The following TMEM132D variants were observed in gnomAD, a reference collection of about 807,000 sequenced individuals.
TMEM132D encodes transmembrane protein 132D.
A neutral mutation model predicts 62.3 loss-of-function variants in TMEM132D; 21 were observed. The ratio of observed to expected loss-of-function variants is 0.34; its 90% CI spans 0.24 to 0.49. The LOEUF (loss-of-function observed/expected upper bound fraction) is 0.49. Ranked by LOEUF, TMEM132D falls within the 20% of genes least tolerant of loss-of-function variation. The probability of loss-of-function intolerance (pLI) is 0.99; values close to 1 mark genes in which losing one functional copy is unlikely to be tolerated. For synonymous variants in TMEM132D, 621 were observed against 575.6 expected (o/e 1.08, Z -1.13); for missense variants, 1,346 against 1,402.8 (o/e 0.96, Z 0.65).
intron 4 of TMEM132D, among the ~76,000 whole-genome samples, chr12:129,269,892 C>T (rs1209435786): frequency 6.6e-6 from 1 of 152,174 alleles, no homozygotes; most frequent in African/African-American, 2.4e-5. Context: ...GCTATTGCCA[C>T]TTAATGATGG....
intron 2 of TMEM132D, among the ~76,000 whole-genome samples, chr12:129,664,646 C>T (rs1040261945): frequency 7.9e-5 from 12 of 151,874 alleles, no homozygotes; most frequent in African/African-American, 2.2e-4. Flanking sequence ...AGGATGGTCT[C>T]GATCCCCTGA....
chr12:129,616,105 T>C (rs1009725948), intron 2 of TMEM132D, among the ~76,000 whole-genome samples: 1 of 152,174 alleles, frequency 6.6e-6, no homozygotes, highest in African/African-American at 2.4e-5. Context: ...TCTACTTCCT[T>C]GTTTGGTGGG....
At position 129,074,054 on chromosome 12, in the gene TMEM132D, T is replaced by G; in HGVS notation, c.3121A>C (p.Lys1041Gln). The G allele has an allele frequency of 1.9e-6, 3 of 1,613,918 alleles. No individual in the cohort carries two copies. The highest frequency in any genetic ancestry group is 2.5e-6 in the Non-Finnish European group (3 of 1,179,898). Residue 1041 changes from lysine to glutamine, a missense_variant, in exon 9 of 9, where the codon AAA (lysine) becomes CAA (glutamine). Coordinates refer to ENST00000422113, the MANE Select transcript of TMEM132D (RefSeq NM_133448.3). The stretch of plus-strand genomic sequence containing the variant: ...GTGGTAAATTTTACCCTTTTCCTTT[T>G]TGAGGTAGGGGATGTTGGGGGCTCA... Reference protein sequence around the residue: ...KSEPPTSPTSKRKRVKFTTFT... With the variant: ...KSEPPTSPTSQRKRVKFTTFT...
chr12:129,076,827 C>A (rs1263002842), intron 8 of TMEM132D, among the ~76,000 whole-genome samples: 1 of 152,202 alleles, frequency 6.6e-6, no homozygotes, highest in Non-Finnish European at 1.5e-5. Context: ...AGCCTTCTGG[C>A]CTTCTTCTAG....
At chr12:129,751,864 T>C (rs1870010340) in intron 1 of TMEM132D, among the ~76,000 whole-genome samples, 1 of 152,202 alleles carries the variant, frequency 6.6e-6, no homozygotes, top group African/African-American at 2.4e-5. Flanking sequence ...AAAGCTGATA[T>C]TAGTACAATC....
chr12:129,255,563 A>G (rs1214222647), intron 4 of TMEM132D, among the ~76,000 whole-genome samples: 1 of 152,228 alleles, frequency 6.6e-6, no homozygotes, highest in Non-Finnish European at 1.5e-5. Context: ...TAATGCAATT[A>G]TGTTCTAAAA....
intron 2 of TMEM132D, among the ~76,000 whole-genome samples, chr12:129,670,755 T>C (rs1357281469): frequency 1.3e-5 from 2 of 152,126 alleles, no homozygotes; most frequent in African/African-American, 4.8e-5. Flanking sequence ...GCAAGGTGGA[T>C]CCCTTGGGTG....
intron 5 of TMEM132D, among the ~76,000 whole-genome samples, chr12:129,185,892 C>T (rs1878210251): frequency 6.6e-6 from 1 of 152,132 alleles, no homozygotes; most frequent in South Asian, 2.1e-4. Context: ...ACTTCTGATA[C>T]AATCCAGAGC....
At chr12:129,469,570 T>C (rs1207450547) in intron 3 of TMEM132D, among the ~76,000 whole-genome samples, 2 of 152,186 alleles carry the variant, frequency 1.3e-5, no homozygotes, top group Non-Finnish European at 2.9e-5. Flanking sequence ...AGTCCATCCA[T>C]CACTCAAGCA....
At chr12:129,546,398 T>C (rs1204595165) in intron 2 of TMEM132D, among the ~76,000 whole-genome samples, 1 of 152,176 alleles carries the variant, frequency 6.6e-6, no homozygotes, top group African/African-American at 2.4e-5. Flanking sequence ...ATAGGAAAGA[T>C]TATGATGGTT....
intron 3 of TMEM132D, among the ~76,000 whole-genome samples, chr12:129,367,188 C>T (rs1302786627): frequency 9.2e-5 from 14 of 152,172 alleles, no homozygotes; most frequent in Admixed American, 9.2e-4. Context: ...TTGACGCCTT[C>T]ATTTGCTGGT....
chr12:129,332,983 T>A (rs1032912192), intron 4 of TMEM132D, among the ~76,000 whole-genome samples: 4 of 152,164 alleles, frequency 2.6e-5, no homozygotes, highest in Non-Finnish European at 2.9e-5. Flanking sequence ...ACTATACACT[T>A]ACAATGGTTA....
At chr12:129,429,327 A>G (rs887927840) in intron 3 of TMEM132D, among the ~76,000 whole-genome samples, 1 of 152,168 alleles carries the variant, frequency 6.6e-6, no homozygotes, top group Non-Finnish European at 1.5e-5. Context: ...CTAGTAGTGT[A>G]AGCAGAAAGG....
At chr12:129,718,068 G>A (rs1057243809) in intron 1 of TMEM132D, among the ~76,000 whole-genome samples, 1 of 152,228 alleles carries the variant, frequency 6.6e-6, no homozygotes, top group African/African-American at 2.4e-5. Flanking sequence ...ACTCCTGCTA[G>A]GGCCCCTGAG....
At chr12:129,639,127 A>G (rs902258310) in intron 2 of TMEM132D, among the ~76,000 whole-genome samples, 1 of 152,138 alleles carries the variant, frequency 6.6e-6, no homozygotes. Context: ...TCACACCTGT[A>G]ATCTCAGCAC....
chr12:129,503,583 T>C (rs1875227666), intron 3 of TMEM132D, among the ~76,000 whole-genome samples: 1 of 152,192 alleles, frequency 6.6e-6, no homozygotes. Flanking sequence ...GAATCTGCAG[T>C]CATTTATAGA....
intron 2 of TMEM132D, among the ~76,000 whole-genome samples, chr12:129,548,486 T>C (rs905068090): frequency 1.2e-4 from 18 of 152,228 alleles, no homozygotes; most frequent in African/African-American, 4.3e-4. Flanking sequence ...CCTCTCTCAG[T>C]CACGCCATAA....
chr12:129,712,265 C>G (rs776363084), intron 1 of TMEM132D, among the ~76,000 whole-genome samples: 1 of 152,102 alleles, frequency 6.6e-6, no homozygotes, highest in South Asian at 2.1e-4. Flanking sequence ...GCTGAAATTA[C>G]AGGCTCACAC....
At chr12:129,889,128 C>CT (rs1874840337) in intron 1 of TMEM132D, among the ~76,000 whole-genome samples, 1 of 152,194 alleles carries the variant, frequency 6.6e-6, no homozygotes, top group African/African-American at 2.4e-5. Context: ...GGAAGGACAG[C>CT]TAAGAGATTC....
Sources: allele counts gnomAD v4.1 joint callset (sites outside exome capture counted in the v4.1 genomes callset), GRCh38; gene constraint gnomAD v4.1.1; transcripts MANE v1.5; gene names NCBI Gene and HGNC (gene_info 2026-07-23, HGNC 2026-07-21).